Variants in PDLIM5 observed in about 807,000 individuals in gnomAD.
The protein encoded by PDLIM5 is PDZ and LIM domain 5, also known as PDZ and LIM domain protein 5.
A neutral mutation model predicts 64.2 loss-of-function variants in PDLIM5; 34 were observed. That is an observed-to-expected ratio of 0.53 (90% CI 0.40 to 0.71). The LOEUF is 0.71. Among genes scored for constraint, PDLIM5 ranks in the 30% least tolerant of loss-of-function variants. The pLI, the probability that PDLIM5 is intolerant of heterozygous loss-of-function variation, is 0.00. For synonymous variants in PDLIM5, 253 were observed against 269.1 expected (o/e 0.94, Z 0.59); for missense variants, 683 against 733.6 (o/e 0.93, Z 0.80).
chr4:94,518,653 T>A (rs770466366), intron 2 of PDLIM5, among the ~76,000 whole-genome samples: 56 of 152,356 alleles, frequency 3.7e-4, no homozygotes, highest in East Asian at 7.7e-4. Flanking sequence ...TATGTTCATG[T>A]ATATTATTTT....
intron 8 of PDLIM5, among the ~76,000 whole-genome samples, chr4:94,635,519 G>C (rs137885536): frequency 6.6e-6 from 1 of 152,180 alleles, no homozygotes; most frequent in Non-Finnish European, 1.5e-5. Context: ...CTCTAAAGAG[G>C]TGTATTTTTC....
intron 2 of PDLIM5, among the ~76,000 whole-genome samples, chr4:94,478,028 C>A (rs1002963231): frequency 1.3e-5 from 2 of 151,918 alleles, no homozygotes; most frequent in African/African-American, 4.8e-5. Flanking sequence ...GAGGCCGAGG[C>A]GAGCGGATCA....
At chr4:94,594,503 T>TAATAGA (rs1289491618) in intron 7 of PDLIM5, among the ~76,000 whole-genome samples, 4 of 152,062 alleles carry the variant, frequency 2.6e-5, no homozygotes, top group Non-Finnish European at 4.4e-5. Flanking sequence ...CAGTAACTAT[T>TAATAGA]AATAATAGAA....
Position 94,665,760 on chromosome 4 carries a change from GT to G in PDLIM5, c.*1697del. 8.1e-7 allele frequency: 1 copy of G among 1,241,688 alleles called. No homozygotes were observed. Among genetic ancestry groups the G allele is most frequent in the Non-Finnish European group, 1.0e-6 (1 of 992,936 alleles). The allele number at this position is 1,241,688 out of a possible 1,614,324, so 76.9% of individuals were successfully genotyped here. A position where few individuals can be genotyped will look rare whatever the true frequency, so the allele number is the denominator to read the frequency against. On this transcript the variant is annotated 3_prime_UTR_variant, in exon 13 of 13. Transcript: ENST00000317968. Reference sequence around the variant, plus strand: ...TGTGATGAAATTGAGACTTTTTGTGGTTTTCTCTCAATAATAAGTGAACCAA... The same window carrying G: ...TGTGATGAAATTGAGACTTTTTGTGGTTTCTCTCAATAATAAGTGAACCAA...
Position 94,632,457 on chromosome 4 carries a change from C to T in PDLIM5, c.1109-7819C>T, listed in dbSNP as rs1740231221. On this transcript the variant is annotated intron_variant, in intron 8 of 12. Transcript: ENST00000317968. Reference sequence around the variant, plus strand: ...CAAATATATGTATCTGCACTCCAGCCTGGGCAACAGAGTAGAGACCTTGTC... The same window carrying T: ...CAAATATATGTATCTGCACTCCAGCTTGGGCAACAGAGTAGAGACCTTGTC... Among the ~76,000 whole-genome samples the T allele has an allele frequency of 2.0e-5, 3 of 152,186 alleles. No homozygotes were observed. In the South Asian group the frequency reaches 6.2e-4, roughly 32 times the overall value.
intron 2 of PDLIM5, among the ~76,000 whole-genome samples, chr4:94,487,599 T>C (rs1172603954): frequency 7.9e-5 from 12 of 152,218 alleles, no homozygotes; most frequent in Admixed American, 6.5e-4. Flanking sequence ...GTCGCTGTGT[T>C]TCTCCTTGAC....
chr4:94,643,066 A>AT (rs1166091177), intron 9 of PDLIM5, among the ~76,000 whole-genome samples: 1 of 151,808 alleles, frequency 6.6e-6, no homozygotes, highest in African/African-American at 2.4e-5. Flanking sequence ...TATTTTATTT[A>AT]TTTTTTTTTT....
chr4:94,656,462 C>G (rs192887900), intron 10 of PDLIM5, among the ~76,000 whole-genome samples: 3 of 151,756 alleles, frequency 2.0e-5, no homozygotes, highest in Non-Finnish European at 4.4e-5. Flanking sequence ...TTTACACATT[C>G]GAGTCTGTGC....
intron 2 of PDLIM5, among the ~76,000 whole-genome samples, chr4:94,516,578 T>TA (rs1170568233): frequency 1.3e-5 from 2 of 152,042 alleles, no homozygotes; most frequent in African/African-American, 4.8e-5. Flanking sequence ...GGCTGGAGTA[T>TA]GGTAGTGCAA....
chr4:94,545,097 C>T (rs2110194956), intron 3 of PDLIM5, among the ~76,000 whole-genome samples: 1 of 152,218 alleles, frequency 6.6e-6, no homozygotes, highest in East Asian at 1.9e-4. Flanking sequence ...GTTAGGAATT[C>T]CTATTTTGTA....
intron 8 of PDLIM5, 128 bp downstream of exon 8, chr4:94,618,319 A>C: frequency 1.8e-6 from 1 of 554,548 alleles, no homozygotes. Flanking sequence ...AGAAAGGACT[A>C]TCAGGATTAA....
At chr4:94,494,099 A>G (rs1349854890) in intron 2 of PDLIM5, among the ~76,000 whole-genome samples, 4 of 152,080 alleles carry the variant, frequency 2.6e-5, no homozygotes, top group Non-Finnish European at 5.9e-5. Flanking sequence ...AGTAGGGACT[A>G]TCAGCATGCA....
intron 2 of PDLIM5, among the ~76,000 whole-genome samples, chr4:94,514,261 A>G (rs954496852): frequency 1.3e-5 from 2 of 151,368 alleles, no homozygotes; most frequent in African/African-American, 4.9e-5. Flanking sequence ...CAGCCTCCCA[A>G]GTAGCTGGGA....
intron 3 of PDLIM5, among the ~76,000 whole-genome samples, chr4:94,559,029 T>C (rs1332241972): frequency 6.6e-6 from 1 of 152,106 alleles, no homozygotes; most frequent in Non-Finnish European, 1.5e-5. Context: ...CTAAGGAAAA[T>C]ATAGGATAAG....
intron 2 of PDLIM5, among the ~76,000 whole-genome samples, chr4:94,522,901 A>G (rs1729953879): frequency 1.3e-5 from 2 of 152,132 alleles, no homozygotes; most frequent in Admixed American, 1.3e-4. Context: ...TATGAATTTG[A>G]ATGGTTTCTT....
At chr4:94,500,736 A>G (rs1475373678) in intron 2 of PDLIM5, among the ~76,000 whole-genome samples, 1 of 151,694 alleles carries the variant, frequency 6.6e-6, no homozygotes, top group Non-Finnish European at 1.5e-5. Context: ...TAGGAAGAAT[A>G]TTTTTCTAAA....
intron 2 of PDLIM5, among the ~76,000 whole-genome samples, chr4:94,468,618 T>G (rs981457127): frequency 5.3e-5 from 8 of 152,192 alleles, no homozygotes; most frequent in African/African-American, 1.7e-4. Flanking sequence ...TGTTTTGTTT[T>G]TAGGTGCATA....
chr4:94,551,989 G>A (rs1241849951), intron 3 of PDLIM5, among the ~76,000 whole-genome samples: 4 of 152,228 alleles, frequency 2.6e-5, no homozygotes, highest in Non-Finnish European at 4.4e-5. Flanking sequence ...AAGATATTAC[G>A]TAGTAAAGTT....
At chr4:94,462,029 A>G (rs1427796790) in intron 2 of PDLIM5, among the ~76,000 whole-genome samples, 2 of 152,094 alleles carry the variant, frequency 1.3e-5, no homozygotes, top group African/African-American at 4.8e-5. Flanking sequence ...ATGCCCAGCT[A>G]ATTTTTTTGT....
Sources: gnomAD v4.1 joint callset for allele counts (sites outside exome capture counted in the v4.1 genomes callset) on GRCh38, gnomAD v4.1.1 for gene constraint, MANE v1.5 for transcripts, NCBI Gene and HGNC (gene_info 2026-07-23, HGNC 2026-07-21) for gene names.